Variants in SOS1 observed in about 807,000 individuals in gnomAD.
SOS1 encodes SOS Ras/Rac guanine nucleotide exchange factor 1.
A neutral mutation model predicts 157.6 loss-of-function variants in SOS1; 25 were observed. The observed-to-expected ratio is 0.16, with a 90% CI of 0.12 to 0.22. The LOEUF is 0.22. SOS1 is among the 10% of genes least tolerant of loss of function. The pLI, the probability that SOS1 is intolerant of heterozygous loss-of-function variation, is 1.00. For missense variants in SOS1, 1,237 were observed against 1,599.1 expected (o/e 0.77, Z 3.86); for synonymous variants, 528 against 534.0 (o/e 0.99, Z 0.16).
intron 12 of SOS1, 67 bp from the exon 13 acceptor site, chr2:39,013,630 A>G: frequency 9.1e-7 from 1 of 1,097,306 alleles, no homozygotes; most frequent in Non-Finnish European, 1.4e-6. Context: ...AATGCACAGT[A>G]CAATACAAAT....
At chr2:38,991,438 T>C (rs1163443308) in intron 20 of SOS1, among the ~76,000 whole-genome samples, 1 of 152,206 alleles carries the variant, frequency 6.6e-6, no homozygotes, top group African/African-American at 2.4e-5. Flanking sequence ...GACTCCCTTT[T>C]ATGACCAGGC....
At chr2:39,028,996 A>C (rs1670067818) in intron 8 of SOS1, among the ~76,000 whole-genome samples, 1 of 152,206 alleles carries the variant, frequency 6.6e-6, no homozygotes, top group African/African-American at 2.4e-5. Context: ...ATTATTCCAG[A>C]ACTAATTAAC....
intron 6 of SOS1, among the ~76,000 whole-genome samples, chr2:39,041,255 C>T (rs766395630): frequency 6.6e-6 from 1 of 152,182 alleles, no homozygotes; most frequent in Admixed American, 6.5e-5. Context: ...CAGGGTCTCA[C>T]TATGTTGCTC....
chr2:39,089,060 C>T (rs570842617), intron 1 of SOS1, among the ~76,000 whole-genome samples: 88 of 152,278 alleles, frequency 5.8e-4, no homozygotes, highest in Non-Finnish European at 9.7e-4. Context: ...ATTCCCATTT[C>T]GCTAATGATG....
At chr2:39,057,086 A>T (rs992336286) in intron 3 of SOS1, among the ~76,000 whole-genome samples, 5 of 152,214 alleles carry the variant, frequency 3.3e-5, no homozygotes, top group Non-Finnish European at 7.3e-5. Context: ...ACCTCTAATG[A>T]TGTAAAATAC....
chr2:39,070,064 T>C (rs1241640955), intron 1 of SOS1, among the ~76,000 whole-genome samples: 1 of 152,216 alleles, frequency 6.6e-6, no homozygotes, highest in Non-Finnish European at 1.5e-5. Flanking sequence ...TTCTGAGTTC[T>C]GTGCTCTCCA....
At chr2:39,093,959 C>A (rs1455187030) in intron 1 of SOS1, among the ~76,000 whole-genome samples, 1 of 152,146 alleles carries the variant, frequency 6.6e-6, no homozygotes, top group Non-Finnish European at 1.5e-5. Flanking sequence ...TCTGAAAAAG[C>A]TGTTACATAC....
chr2:39,075,271 T>A (rs556822049), intron 1 of SOS1, among the ~76,000 whole-genome samples: 9 of 151,946 alleles, frequency 5.9e-5, no homozygotes, highest in Non-Finnish European at 1.2e-4. Flanking sequence ...TTTTTTTGGG[T>A]GGTGGGGGCA....
intron 2 of SOS1, among the ~76,000 whole-genome samples, chr2:39,061,406 G>A (rs1040534122): frequency 1.3e-5 from 2 of 151,890 alleles, no homozygotes; most frequent in African/African-American, 4.8e-5. Context: ...ATTTTGGGGG[G>A]GAACAGGGTC....
chr2:38,985,652 C>A lies in SOS1; in HGVS notation c.*172G>T. 1 of 763,424 alleles carries A rather than the reference C, an allele frequency of 1.3e-6. No individual in the cohort carries two copies. Among genetic ancestry groups the A allele is most frequent in the Non-Finnish European group, 2.2e-6 (1 of 454,976 alleles). 47.3% of individuals were successfully genotyped at this position (763,424 alleles called of 1,614,324 possible). A position where few individuals can be genotyped will look rare whatever the true frequency, so the allele number is the denominator to read the frequency against. On this transcript the variant is annotated 3_prime_UTR_variant, in exon 23 of 23. Coordinates refer to ENST00000402219, the MANE Select transcript of SOS1 (RefSeq NM_005633.4). ...CATATTCTAAACTGGAATACCATTT[C>A]CATTGTATAATTACATCTAGGTTAA...
rs761467532 is a variant in SOS1, at chr2:39,058,822, T to C, written c.214-18A>G. 1.2e-6 allele frequency: 2 copies of C among 1,604,850 alleles called. No homozygotes were observed. Among genetic ancestry groups the C allele is most frequent in the Admixed American group, 3.4e-5 (2 of 59,690 alleles). On this transcript the variant is annotated intron_variant, in intron 2 of 22. Transcript: ENST00000402219. ...ACACGTTCCTTGGAAAATAGGAAAATAACAACTAAGCAAAAAATATATTAA... is the reference window on the plus strand; with the variant it reads ...ACACGTTCCTTGGAAAATAGGAAAACAACAACTAAGCAAAAAATATATTAA...
chr2:39,075,780 A>G (rs986522174), intron 1 of SOS1, among the ~76,000 whole-genome samples: 1 of 152,194 alleles, frequency 6.6e-6, no homozygotes, highest in Non-Finnish European at 1.5e-5. Flanking sequence ...AAGGAGGGGC[A>G]TAACTACAAA....
chr2:39,100,181 G>A (rs1373943546), intron 1 of SOS1, among the ~76,000 whole-genome samples: 1 of 152,122 alleles, frequency 6.6e-6, no homozygotes, highest in Non-Finnish European at 1.5e-5. Flanking sequence ...TGTTGGTGAG[G>A]GTGTGGAGAA....
In SOS1 at chr2:39,023,118, A is replaced by G. The variant is rs397517150; in HGVS notation, c.1310T>C (p.Ile437Thr). Residue 437 changes from isoleucine (I) to threonine (T), a missense_variant, in exon 10 of 23, where the codon ATT becomes ACT. By Grantham distance (89) the Ile-to-Thr change is moderately conservative. This residue lies in a region of SOS1 where 210 missense variants were observed against 220.2 expected (regional missense o/e 0.95). Coordinates refer to ENST00000402219, the MANE Select transcript of SOS1 (RefSeq NM_005633.4). ...TATAAATTCATTACAACACTGTCCA[A>G]TGTCTTTTCCCTCCCAACCATCAAT... The part of the protein sequence containing the change: ...KNIDGWEGKD[I>T]GQCCNEFIME... 2 of 1,613,456 alleles carry G rather than the reference A, an allele frequency of 1.2e-6. No homozygotes were observed. Among genetic ancestry groups the G allele is most frequent in the Non-Finnish European group, 1.7e-6 (2 of 1,179,590 alleles).
rs573216188 is a variant in SOS1, at chr2:39,036,279, A to G, written c.865-779T>C. On this transcript the variant is annotated intron_variant, in intron 6 of 22. Transcript: ENST00000402219. ...GACATCTAGTGGAGGAGCATAGTAG[A>G]AAAAGGCAGAAGGGAATGAAACAAC... Among the ~76,000 whole-genome samples the G allele has an allele frequency of 1.4e-3, 214 of 152,340 alleles. 3 individuals carry two copies. Among genetic ancestry groups the G allele is most frequent in the Non-Finnish European group, 1.1e-3 (77 of 68,030 alleles).
chr2:39,083,620 C>T (rs578230770), intron 1 of SOS1, among the ~76,000 whole-genome samples: 110 of 152,256 alleles, frequency 7.2e-4, no homozygotes, highest in African/African-American at 2.5e-3. Flanking sequence ...AAGTTATTCT[C>T]ATACCTTACA....
At chr2:39,031,473 T>C (rs1391183924) in intron 8 of SOS1, among the ~76,000 whole-genome samples, 1 of 152,190 alleles carries the variant, frequency 6.6e-6, no homozygotes, top group East Asian at 1.9e-4. Context: ...CTCGCACCTA[T>C]AATCCCAGCA....
intron 1 of SOS1, among the ~76,000 whole-genome samples, chr2:39,117,573 A>T (rs959641834): frequency 6.6e-6 from 1 of 152,224 alleles, no homozygotes; most frequent in African/African-American, 2.4e-5. Context: ...ATTGCTGTTA[A>T]TTCTATGCTA....
At chr2:39,094,861 A>G (rs1410924209) in intron 1 of SOS1, among the ~76,000 whole-genome samples, 1 of 152,162 alleles carries the variant, frequency 6.6e-6, no homozygotes, top group East Asian at 1.9e-4. Flanking sequence ...ATAAGGATAC[A>G]TTGCTACTTT....
Sources: gnomAD v4.1 joint callset for allele counts (sites outside exome capture counted in the v4.1 genomes callset) on GRCh38, gnomAD v4.1.1 for gene constraint, gnomAD v4.1.1 regional missense constraint, MANE v1.5 for transcripts, NCBI Gene and HGNC (gene_info 2026-07-23, HGNC 2026-07-21) for gene names.